Variants in PCGF5 observed in about 807,000 individuals in gnomAD.
The protein encoded by PCGF5 is polycomb group ring finger 5, also known as polycomb group RING finger protein 5.
In PCGF5, 9 loss-of-function variants were observed where a neutral mutation model predicts 44.3. The observed-to-expected ratio is 0.20, with a 90% CI of 0.12 to 0.35. The LOEUF (loss-of-function observed/expected upper bound fraction) is 0.35. PCGF5 is among the 10% of genes least tolerant of loss of function. The probability of loss-of-function intolerance (pLI) is 1.00; values close to 1 mark genes in which losing one functional copy is unlikely to be tolerated. For missense variants in PCGF5, 146 were observed against 305.3 expected, an observed-to-expected ratio of 0.48 and a Z score of 3.89; for synonymous variants, 95 against 102.5, an observed-to-expected ratio of 0.93 and a Z score of 0.44.
At chr10:91,177,727 G>A (rs891066095) in intron 1 of PCGF5, among the ~76,000 whole-genome samples, 1 of 152,220 alleles carries the variant, frequency 6.6e-6, no homozygotes, top group African/African-American at 2.4e-5. Context: ...ATAATCTCCT[G>A]GTGCGCCATT....
intron 1 of PCGF5, among the ~76,000 whole-genome samples, chr10:91,210,034 GATAGCAGATC>G (rs1316203465): frequency 6.6e-6 from 1 of 152,156 alleles, no homozygotes; most frequent in Admixed American, 6.5e-5. Flanking sequence ...CATTTAGATG[GATAGCAGATC>G]ATAGCATTAG....
At chr10:91,163,805 C>G (rs1029634837) in intron 1 of PCGF5, among the ~76,000 whole-genome samples, 7 of 151,776 alleles carry the variant, frequency 4.6e-5, no homozygotes, top group Admixed American at 6.5e-5. Flanking sequence ...CTCCGCGCCC[C>G]CTGCGGGCGC....
chr10:91,259,744 T>A (rs987701779), intron 6 of PCGF5, among the ~76,000 whole-genome samples: 1 of 152,130 alleles, frequency 6.6e-6, no homozygotes, highest in Non-Finnish European at 1.5e-5. Context: ...TAATAAATGG[T>A]GCTGGGAAAA....
intron 1 of PCGF5, among the ~76,000 whole-genome samples, chr10:91,211,800 AGTT>A (rs1238354206): frequency 6.6e-6 from 1 of 152,180 alleles, no homozygotes; most frequent in Non-Finnish European, 1.5e-5. Flanking sequence ...AGCCTGGTCG[AGTT>A]GTTAAAGTAG....
intron 1 of PCGF5, among the ~76,000 whole-genome samples, chr10:91,206,711 A>G (rs1468323191): frequency 2.0e-5 from 3 of 152,216 alleles, no homozygotes; most frequent in African/African-American, 4.8e-5. Context: ...ATGGTCTCTG[A>G]CTTCCTTTCC....
intron 1 of PCGF5, among the ~76,000 whole-genome samples, chr10:91,177,084 G>A (rs535930855): frequency 6.6e-6 from 1 of 152,304 alleles, no homozygotes; most frequent in Non-Finnish European, 1.5e-5. Context: ...ATGGGGTTTT[G>A]GTGTGGATGT....
intron 2 of PCGF5, among the ~76,000 whole-genome samples, chr10:91,235,543 A>C (rs1845135859): frequency 6.6e-6 from 1 of 151,690 alleles, no homozygotes; most frequent in Non-Finnish European, 1.5e-5. Context: ...GTCTCTACAA[A>C]AATTTTAAAA....
At chr10:91,256,122 G>C (rs1055628247) in intron 6 of PCGF5, among the ~76,000 whole-genome samples, 1 of 151,988 alleles carries the variant, frequency 6.6e-6, no homozygotes, top group Non-Finnish European at 1.5e-5. Context: ...AGAAACTGTC[G>C]CTGAGGAAGC....
At chr10:91,271,774 C>T (rs1418998141) in intron 9 of PCGF5, 77 bp downstream of exon 9, 1 of 1,252,462 alleles carries the variant, frequency 8.0e-7, no homozygotes, top group African/African-American at 1.5e-5. Flanking sequence ...AACTCAATTC[C>T]TAAGACATTT....
intron 1 of PCGF5, among the ~76,000 whole-genome samples, chr10:91,197,937 A>C (rs1232759149): frequency 6.6e-6 from 1 of 152,216 alleles, no homozygotes; most frequent in Non-Finnish European, 1.5e-5. Context: ...AAGATGTTTC[A>C]TTCATTCAAT....
At chr10:91,202,819 ACT>A (rs1844277812) in intron 1 of PCGF5, among the ~76,000 whole-genome samples, 1 of 152,138 alleles carries the variant, frequency 6.6e-6, no homozygotes, top group Non-Finnish European at 1.5e-5. Context: ...TCAAACTGTG[ACT>A]CAACTTTTAG....
At chr10:91,159,656 T>A (rs769635301), upstream of PCGF5, among the ~76,000 whole-genome samples, 15 of 152,248 alleles carry the variant, frequency 9.9e-5, no homozygotes, top group Non-Finnish European at 8.8e-5. Flanking sequence ...TAGTTTGTTA[T>A]GGCAGTCTGA....
chr10:91,272,212 C>T (rs1230970690), intron 9 of PCGF5, among the ~76,000 whole-genome samples: 3 of 152,140 alleles, frequency 2.0e-5, no homozygotes, highest in African/African-American at 7.2e-5. Flanking sequence ...GAACATGTGT[C>T]TGAGGAAAGT....
chr10:91,257,443 A>G (rs1845784064), intron 6 of PCGF5, among the ~76,000 whole-genome samples: 1 of 152,148 alleles, frequency 6.6e-6, no homozygotes, highest in Non-Finnish European at 1.5e-5. Context: ...GTATGTGATC[A>G]TATCCAGTAG....
At chr10:91,186,421 T>A (rs1479796063) in intron 1 of PCGF5, among the ~76,000 whole-genome samples, 1 of 152,174 alleles carries the variant, frequency 6.6e-6, no homozygotes, top group Non-Finnish European at 1.5e-5. Flanking sequence ...AGGTTGGAAG[T>A]CTTGTTGCAT....
intron 2 of PCGF5, among the ~76,000 whole-genome samples, chr10:91,226,157 A>G (rs1483588848): frequency 1.3e-5 from 2 of 152,070 alleles, no homozygotes; most frequent in Non-Finnish European, 2.9e-5. Context: ...GAAAATATAA[A>G]GATTTTCGTC....
intron 2 of PCGF5, among the ~76,000 whole-genome samples, chr10:91,232,865 G>A (rs1845048664): frequency 6.6e-6 from 1 of 152,134 alleles, no homozygotes; most frequent in Admixed American, 6.5e-5. Flanking sequence ...GAAGCGTAAT[G>A]GACTTGGGGC....
At chr10:91,258,471 T>G (rs191505247) in intron 6 of PCGF5, among the ~76,000 whole-genome samples, 1 of 152,136 alleles carries the variant, frequency 6.6e-6, no homozygotes, top group Non-Finnish European at 1.5e-5. Context: ...AATGAATGAG[T>G]GTCATGTCAG....
At chr10:91,178,376 CTTTCT>C (rs1172357328) in intron 1 of PCGF5, among the ~76,000 whole-genome samples, 226 of 150,130 alleles carry the variant, frequency 1.5e-3, no homozygotes, top group African/African-American at 5.3e-3. Flanking sequence ...TGCTGTTTCT[CTTTCT>C]TTTCTTTTCT....
Sources: gnomAD v4.1 joint callset for allele counts (sites outside exome capture counted in the v4.1 genomes callset) on GRCh38, gnomAD v4.1.1 for gene constraint, MANE v1.5 for transcripts, NCBI Gene and HGNC (gene_info 2026-07-23, HGNC 2026-07-21) for gene names.